Variants in COL11A1 observed in about 807,000 individuals in gnomAD.
COL11A1 encodes collagen alpha-1(XI) chain.
In COL11A1, 74 loss-of-function variants were observed where a neutral mutation model predicts 265.2. The ratio of observed to expected loss-of-function variants is 0.28; its 90% CI spans 0.23 to 0.34. The LOEUF is 0.34. Among genes scored for constraint, COL11A1 ranks in the 10% least tolerant of loss-of-function variants. The pLI is 1.00. For synonymous variants in COL11A1, 816 were observed against 727.6 expected, an observed-to-expected ratio of 1.12 and a Z score of -1.96; for missense variants, 2,165 against 2,263.6, an observed-to-expected ratio of 0.96 and a Z score of 0.88.
In COL11A1 at chr1:102,946,959, AGT is replaced by A. The variant is rs754310762; in HGVS notation, c.3169-5_3169-4del. ...GACCCACGTTCTCCTGGTGAGCCCT[AGT>A]ATACAGGAAAAGAAGTATTTTGTTA... On this transcript the variant is annotated splice_polypyrimidine_tract_variant and splice_region_variant and intron_variant, in intron 41 of 66. Coordinates refer to ENST00000370096, the MANE Select transcript of COL11A1 (RefSeq NM_001854.4). 6.2e-7 allele frequency: 1 copy of A among 1,607,948 alleles called. No homozygotes were observed. Among genetic ancestry groups the A allele is most frequent in the South Asian group, 1.1e-5 (1 of 90,194 alleles).
At chr1:103,089,212 G>T (rs1169228878) in intron 1 of COL11A1, among the ~76,000 whole-genome samples, 4 of 152,140 alleles carry the variant, frequency 2.6e-5, no homozygotes, top group Admixed American at 6.6e-5. Context: ...TATTTTTTAA[G>T]TTTCCCAGAT....
chr1:102,921,544 C>T lies in COL11A1; in HGVS notation c.3682G>A (p.Gly1228Ser), dbSNP rs779225134. Residue 1228 changes from glycine to serine, a missense_variant, in exon 48 of 67, where the codon GGC becomes AGC. Coordinates refer to ENST00000370096, the MANE Select transcript of COL11A1 (RefSeq NM_001854.4). ...TCAGCTCCATTGGGACCTTGAGGGC[C>T]TCTTGGGCCTGGAGGACCAGGTGGC... Reference protein sequence around the residue: ...MGPPGPPGPRGPQGPNGADGP... With the variant: ...MGPPGPPGPRSPQGPNGADGP... The T allele has an allele frequency of 6.2e-7, 1 of 1,613,260 alleles. No individual in the cohort carries two copies.
intron 4 of COL11A1, among the ~76,000 whole-genome samples, chr1:103,064,033 T>G (rs1571192910): frequency 6.6e-6 from 1 of 152,304 alleles, no homozygotes; most frequent in East Asian, 1.9e-4. Flanking sequence ...AAAATAGGGC[T>G]GTTTTGGGGC....
At chr1:103,075,604 G>A (rs1571222410) in intron 3 of COL11A1, among the ~76,000 whole-genome samples, 1 of 152,086 alleles carries the variant, frequency 6.6e-6, no homozygotes, top group South Asian at 2.1e-4. Flanking sequence ...TAAAATGGTG[G>A]GTTTTATTAA....
Position 102,915,638 on chromosome 1 carries a change from C to A in COL11A1, c.3809G>T (p.Gly1270Val). The A allele has an allele frequency of 6.2e-7, 1 of 1,613,272 alleles. No homozygotes were observed. Among genetic ancestry groups the A allele is most frequent in the Non-Finnish European group, 8.5e-7 (1 of 1,179,282 alleles). The change falls in exon 50 of 67, where the codon GGT becomes GTT. Residue 1270 changes from glycine (G) to valine (V), a missense_variant. Coordinates refer to ENST00000370096, the MANE Select transcript of COL11A1 (RefSeq NM_001854.4). ...CAATAACACAGTACTTACGCCTACA[C>A]CTGCTTCCCCAGGAGGCCCTGGGTT... ...AGNPGPPGEA[G>V]VGGPKGERGE...
rs981998112 is a variant in COL11A1 at position 102,928,664 on chromosome 1, C to T, written c.3601-5275G>A. On this transcript the variant is annotated intron_variant, in intron 46 of 66. Transcript: ENST00000370096. ...TTCTAGTTCTAGATCCCTGAGGAAT[C>T]GCCACACTGACTTCGACAATGGTTG... Among the ~76,000 whole-genome samples the T allele has an allele frequency of 5.4e-4, 82 of 150,536 alleles. 1 individual carries two copies. Among genetic ancestry groups the T allele is most frequent in the Non-Finnish European group, 7.1e-4 (48 of 67,384 alleles).
At chr1:103,093,820 C>A (rs1373660455) in intron 1 of COL11A1, among the ~76,000 whole-genome samples, 1 of 152,062 alleles carries the variant, frequency 6.6e-6, no homozygotes, top group African/African-American at 2.4e-5. Flanking sequence ...GTCTACTTGT[C>A]CAAAGTACAT....
intron 14 of COL11A1, among the ~76,000 whole-genome samples, chr1:103,010,492 T>C (rs1185218923): frequency 6.6e-6 from 1 of 152,192 alleles, no homozygotes; most frequent in Non-Finnish European, 1.5e-5. Flanking sequence ...TGGGTGTCAA[T>C]ATTTTCTCTT....
intron 37 of COL11A1, among the ~76,000 whole-genome samples, chr1:102,966,949 TCTC>T (rs1235087257): frequency 6.6e-6 from 1 of 152,140 alleles, no homozygotes; most frequent in African/African-American, 2.4e-5. Context: ...GAATGTATCT[TCTC>T]CTTTGATTTT....
intron 46 of COL11A1, among the ~76,000 whole-genome samples, chr1:102,927,164 T>C (rs1656690208): frequency 6.6e-6 from 1 of 152,164 alleles, no homozygotes; most frequent in African/African-American, 2.4e-5. Flanking sequence ...ATTTTTTATA[T>C]AAATTCAATT....
chr1:102,892,762 C>G (rs1651933357), intron 57 of COL11A1, among the ~76,000 whole-genome samples: 1 of 152,090 alleles, frequency 6.6e-6, no homozygotes, highest in Non-Finnish European at 1.5e-5. Context: ...TAATTCATAA[C>G]TGAATTTGGA....
chr1:102,891,655 G>A (rs749282444), intron 57 of COL11A1, among the ~76,000 whole-genome samples: 2 of 150,028 alleles, frequency 1.3e-5, no homozygotes, highest in Non-Finnish European at 3.0e-5. Context: ...TGGGAGGACC[G>A]CTTGAACCTA....
Position 103,082,989 on chromosome 1 carries a change from C to G in COL11A1, c.107-17G>C, listed in dbSNP as rs780404895. The G allele has an allele frequency of 5.0e-6, 8 of 1,610,760 alleles. No homozygotes were observed. Among genetic ancestry groups the G allele is most frequent in the Non-Finnish European group, 6.8e-6 (8 of 1,178,382 alleles). On this transcript the variant is annotated splice_polypyrimidine_tract_variant and intron_variant, in intron 1 of 66. Coordinates refer to ENST00000370096, the MANE Select transcript of COL11A1 (RefSeq NM_001854.4). ...CTGGAGCAGCTGAAAAATAAGCAAA[C>G]AATAAAAAACCAGAATTGAACAACG...
intron 30 of COL11A1, among the ~76,000 whole-genome samples, chr1:102,985,296 G>A (rs896120600): frequency 3.3e-5 from 5 of 151,960 alleles, no homozygotes; most frequent in Admixed American, 6.6e-5. Flanking sequence ...GTATTTTACT[G>A]GATGAAATAA....
At chr1:103,082,727 C>T (rs955208238) in intron 2 of COL11A1, 78 bp downstream of exon 2, 1 of 1,246,738 alleles carries the variant, frequency 8.0e-7, no homozygotes, top group Non-Finnish European at 1.1e-6. Context: ...TAAAGAAATA[C>T]TAAAAGTAGT....
chr1:102,998,269 T>C, intron 25 of COL11A1, 41 bp downstream of exon 25: 3 of 1,507,672 alleles, frequency 2.0e-6, no homozygotes, highest in South Asian at 2.3e-5. Flanking sequence ...TTTTTAAAGA[T>C]AATGTAAAGA....
At chr1:102,951,874 A>G (rs577384785) in intron 41 of COL11A1, among the ~76,000 whole-genome samples, 1 of 152,312 alleles carries the variant, frequency 6.6e-6, no homozygotes, top group South Asian at 2.1e-4. Flanking sequence ...AATGGTTTCA[A>G]AATGAAAGAA....
intron 44 of COL11A1, 88 bp downstream of exon 44, chr1:102,938,947 G>T (rs1322394755): frequency 6.3e-6 from 7 of 1,116,038 alleles, no homozygotes; most frequent in Non-Finnish European, 9.6e-6. Flanking sequence ...GGCTAGGAAA[G>T]TAAGTAGCAC....
intron 4 of COL11A1, among the ~76,000 whole-genome samples, chr1:103,060,038 C>A (rs1221372928): frequency 6.6e-6 from 1 of 151,738 alleles, no homozygotes; most frequent in South Asian, 2.1e-4. Flanking sequence ...AATATCAGAC[C>A]AAAAATCTGG....
Sources: allele counts gnomAD v4.1 joint callset (sites outside exome capture counted in the v4.1 genomes callset), GRCh38; gene constraint gnomAD v4.1.1; transcripts MANE v1.5; gene names NCBI Gene and HGNC (gene_info 2026-07-23, HGNC 2026-07-21).